Variants in SGIP1 observed in about 807,000 individuals in gnomAD.
SGIP1 encodes SH3-containing GRB2-like protein 3-interacting protein 1.
SGIP1 carries 38 observed loss-of-function variants against 107.5 expected under a neutral mutation model. That is an observed-to-expected ratio of 0.35 (90% confidence interval 0.27 to 0.46). The LOEUF is 0.46. Among genes scored for constraint, SGIP1 ranks in the 20% least tolerant of loss-of-function variants. The pLI, the probability that SGIP1 is intolerant of heterozygous loss-of-function variation, is 1.00. For missense variants in SGIP1, 929 were observed against 1,019.5 expected, an observed-to-expected ratio of 0.91 and a Z score of 1.21; for synonymous variants, 365 against 366.1, an observed-to-expected ratio of 1.00 and a Z score of 0.03.
At chr1:66,671,612 T>G (rs1004471087) in intron 10 of SGIP1, among the ~76,000 whole-genome samples, 8 of 152,172 alleles carry the variant, frequency 5.3e-5, no homozygotes, top group African/African-American at 1.9e-4. Flanking sequence ...AGTATTCTCT[T>G]AATTGGAAAG....
chr1:66,659,029 G>A (rs901254082), intron 7 of SGIP1, among the ~76,000 whole-genome samples: 3 of 152,186 alleles, frequency 2.0e-5, no homozygotes, highest in African/African-American at 7.2e-5. Context: ...AGGCTTCATA[G>A]AAAGCCAACG....
chr1:66,558,228 G>A (rs2058458421), intron 1 of SGIP1, among the ~76,000 whole-genome samples: 1 of 151,916 alleles, frequency 6.6e-6, no homozygotes, highest in South Asian at 2.1e-4. Context: ...CTGAGAGTTG[G>A]GCTGGCTTCA....
intron 1 of SGIP1, among the ~76,000 whole-genome samples, chr1:66,536,412 A>T (rs1030545739): frequency 2.6e-5 from 4 of 152,174 alleles, no homozygotes; most frequent in Non-Finnish European, 5.9e-5. Context: ...TAGTTCGGTG[A>T]CCTTAGAAAG....
At chr1:66,719,108 C>T (rs113618951) in intron 18 of SGIP1, among the ~76,000 whole-genome samples, 186 bp from the exon 19 acceptor site, 6 of 151,992 alleles carry the variant, frequency 3.9e-5, no homozygotes, top group Admixed American at 2.6e-4. Flanking sequence ...GTCTGTAAAC[C>T]AGCCAAATAT....
chr1:66,712,430 C>T (rs1332984796), intron 18 of SGIP1, among the ~76,000 whole-genome samples: 1 of 152,186 alleles, frequency 6.6e-6, no homozygotes, highest in South Asian at 2.1e-4. Context: ...CGAACGCAGG[C>T]TTGCTCACTG....
chr1:66,679,566 C>A (rs778952077), intron 13 of SGIP1, 112 bp from the exon 14 acceptor site: 725 of 1,102,348 alleles, frequency 6.6e-4, no homozygotes, highest in Non-Finnish European at 9.0e-4. Flanking sequence ...ATTGCTATTC[C>A]ATTTCCAATA....
intron 19 of SGIP1, among the ~76,000 whole-genome samples, chr1:66,725,595 G>A (rs1047896819): frequency 6.6e-6 from 1 of 152,190 alleles, no homozygotes; most frequent in Non-Finnish European, 1.5e-5. Flanking sequence ...TTCTGCTTTA[G>A]CCAAGGTAGA....
chr1:66,627,938 C>G (rs2073306410), intron 2 of SGIP1, among the ~76,000 whole-genome samples: 1 of 150,196 alleles, frequency 6.7e-6, no homozygotes. Flanking sequence ...TGATGTTCCC[C>G]TTCCTGTGTT....
At chr1:66,695,255 T>TAA (rs570067011) in intron 17 of SGIP1, 179 bp from the exon 18 acceptor site, 36,212 of 931,684 alleles carry the variant, frequency 0.039, 76 homozygotes, top group South Asian at 0.058. Flanking sequence ...TTTCCTGAAC[T>TAA]AAAAAAAAAA....
At chr1:66,607,080 G>T (rs927996191) in intron 1 of SGIP1, among the ~76,000 whole-genome samples, 2 of 152,140 alleles carry the variant, frequency 1.3e-5, no homozygotes, top group African/African-American at 4.8e-5. Flanking sequence ...ACTGTACTAC[G>T]TTGTAAAAGG....
chr1:66,674,376 G>A (rs2084664081), intron 12 of SGIP1, among the ~76,000 whole-genome samples: 1 of 152,054 alleles, frequency 6.6e-6, no homozygotes, highest in African/African-American at 2.4e-5. Flanking sequence ...CCTGAAATGT[G>A]TTTATGTCTA....
intron 15 of SGIP1, chr1:66,684,251 G>C: frequency 6.5e-7 from 1 of 1,548,312 alleles, no homozygotes; most frequent in East Asian, 2.4e-5. Context: ...TGTAAGGTTT[G>C]GTCATAAATA....
chr1:66,750,981 A>T lies in SGIP1; in HGVS notation c.*7886A>T, dbSNP rs1449660722. Among the ~76,000 whole-genome samples the T allele has an allele frequency of 2.6e-5, 4 of 152,212 alleles. No individual in the cohort carries two copies. The highest frequency in any genetic ancestry group is 4.4e-5 in the Non-Finnish European group (3 of 68,032). ...AATTTTCCCAATCACCTATTTCACA[A>T]AATCCTGAATATGCAATTATTTATT... On this transcript the variant is annotated 3_prime_UTR_variant, in exon 25 of 25. Coordinates refer to ENST00000371037, the MANE Select transcript of SGIP1 (RefSeq NM_032291.4).
chr1:66,694,649 C>A, intron 17 of SGIP1: 1 of 522,934 alleles, frequency 1.9e-6, no homozygotes, highest in Non-Finnish European at 3.1e-6. Flanking sequence ...ATTTACTGTT[C>A]ATCATGGAAC....
intron 1 of SGIP1, among the ~76,000 whole-genome samples, chr1:66,594,782 G>A (rs1424948836): frequency 1.3e-5 from 2 of 152,130 alleles, no homozygotes; most frequent in East Asian, 3.9e-4. Flanking sequence ...CAAGTCCTCA[G>A]TCCTCATCTA....
At chr1:66,718,822 G>C (rs149368403) in intron 18 of SGIP1, among the ~76,000 whole-genome samples, 1 of 152,044 alleles carries the variant, frequency 6.6e-6, no homozygotes, top group East Asian at 1.9e-4. Flanking sequence ...TTTTGAAATG[G>C]AAATAATCCA....
chr1:66,599,658 C>A (rs544367389), intron 1 of SGIP1, among the ~76,000 whole-genome samples: 2 of 152,284 alleles, frequency 1.3e-5, no homozygotes, highest in Non-Finnish European at 1.5e-5. Context: ...TTAATAGCTG[C>A]CCCACTTGAT....
Position 66,690,236 on chromosome 1 carries a change from T to TAGC in SGIP1, c.1492_1494dup (p.Ala498dup). 6.2e-7 allele frequency: 1 copy of TAGC among 1,614,158 alleles called. No individual in the cohort carries two copies. ...ATTCATTCTTCCAGCCCTCCTCCAA[T>TAGC]AGCACCCTTAGCGCGGGCTGAAAGC... is the stretch of plus-strand genomic sequence containing the variant. On this transcript the variant is annotated inframe_insertion, in exon 17 of 25. Coordinates refer to ENST00000371037, the MANE Select transcript of SGIP1 (RefSeq NM_032291.4).
At chr1:66,540,394 T>C (rs2054638559) in intron 1 of SGIP1, among the ~76,000 whole-genome samples, 1 of 152,190 alleles carries the variant, frequency 6.6e-6, no homozygotes, top group South Asian at 2.1e-4. Flanking sequence ...ATGCTTTTTT[T>C]CTTTTCTCTC....
Sources: allele counts gnomAD v4.1 joint callset (sites outside exome capture counted in the v4.1 genomes callset), GRCh38; gene constraint gnomAD v4.1.1; transcripts MANE v1.5; gene names NCBI Gene and HGNC (gene_info 2026-07-23, HGNC 2026-07-21).